The following TBC1D10A variants were observed in gnomAD, a reference collection of about 807,000 sequenced individuals.
TBC1D10A encodes the protein EBP50-PDX interactor of 64 kDa.
A neutral mutation model predicts 52.9 loss-of-function variants in TBC1D10A; 24 were observed. The observed-to-expected ratio is 0.45, with a 90% CI of 0.33 to 0.64. TBC1D10A has a LOEUF of 0.64. TBC1D10A is among the 30% of genes least tolerant of loss of function. TBC1D10A has a pLI of 0.02. For synonymous variants in TBC1D10A, 278 were observed against 282.9 expected (o/e 0.98, Z 0.17); for missense variants, 602 against 687.9 (o/e 0.88, Z 1.40).
chr22:30,307,941 C>T (rs1930342701), intron 1 of TBC1D10A: 1 of 152,062 alleles, frequency 6.6e-6, no homozygotes, highest in Admixed American at 6.6e-5. Context: ...ATTACAGGCG[C>T]CCACCACCAC....
intron 1 of TBC1D10A, among the ~76,000 whole-genome samples, chr22:30,321,178 G>A (rs11705290): frequency 0.068 from 10,335 of 152,262 alleles, 435 homozygotes; most frequent in Non-Finnish European, 0.092. Context: ...CTTGTCTGAG[G>A]ACCTAACACT....
chr22:30,292,028 T>G lies in TBC1D10A; in HGVS notation c.*347A>C. 1 of 246,692 alleles carries G rather than the reference T, an allele frequency of 4.1e-6. No individual in the cohort carries two copies. The highest frequency in any genetic ancestry group is 7.7e-6 in the Non-Finnish European group (1 of 129,728). The allele number at this position is 246,692 out of a possible 1,614,324, so 15.3% of individuals were successfully genotyped here. ...CTGTTTATTTCTGTACAAAACCATG[T>G]TTCTATTTTACACAAAGAACACCCC... On this transcript the variant is annotated 3_prime_UTR_variant, in exon 9 of 9. Transcript: ENST00000215790.
chr22:30,295,779 TG>T lies in TBC1D10A; in HGVS notation c.481del (p.Gln161SerfsTer23), dbSNP rs760560891. On this transcript the variant is annotated frameshift_variant, in exon 4 of 9. Coordinates refer to ENST00000215790, the MANE Select transcript of TBC1D10A (RefSeq NM_031937.3). LOFTEE classifies it high-confidence loss of function. ...CACAAACATCTCATGGAATGGGAACTGCCGGTGCAGGTCACGCTCAATCACG... is the reference window on the plus strand; with the variant it reads ...CACAAACATCTCATGGAATGGGAACTCCGGTGCAGGTCACGCTCAATCACG... ...LDVIERDLHR[Q>X]FPFHEMFVSR... 1 of 1,614,056 alleles carries T rather than the reference TG, an allele frequency of 6.2e-7. No individual in the cohort carries two copies. Among genetic ancestry groups the T allele is most frequent in the South Asian group, 1.1e-5 (1 of 91,080 alleles).
rs2039065115 is a variant in TBC1D10A, at chr22:30,295,810, G to T, written c.451C>A (p.Leu151Met). ...LDMSPGDPKW[L>M]DVIERDLHRQ... ...TGCAGGTCACGCTCAATCACGTCCA[G>T]CCACTTGGGGTCCCCAGGGGACATG... is the stretch of plus-strand genomic sequence containing the variant. Residue 151 changes from leucine (L) to methionine (M), a missense_variant, in exon 4 of 9, where the codon CTG (leucine) becomes ATG (methionine). By Grantham distance (15) the Leu-to-Met change is conservative (BLOSUM62 2). This residue lies in a region of TBC1D10A where 136 missense variants were observed against 208.4 expected (regional missense o/e 0.65). Transcript: ENST00000215790. 2.0e-5 allele frequency: 32 copies of T among 1,613,988 alleles called. No individual in the cohort carries two copies. The highest frequency in any genetic ancestry group is 2.7e-5 in the Non-Finnish European group (32 of 1,179,998).
At chr22:30,322,962 A>T (rs1463236339) in intron 1 of TBC1D10A, among the ~76,000 whole-genome samples, 3 of 143,412 alleles carry the variant, frequency 2.1e-5, no homozygotes, top group Non-Finnish European at 4.5e-5. Flanking sequence ...GCACAGTGGC[A>T]CCATCTTGGC....
rs774866504 is a variant in TBC1D10A, at chr22:30,293,740, C to G, written c.961G>C (p.Val321Leu). ...LKHALGSPEKVKACQGQYETI... is the reference protein window; with the variant it reads ...LKHALGSPEKLKACQGQYETI... ...TCGTACTGGCCCTGGCAGGCTTTGA[C>G]CTTCTCAGGGGAGCCCAGCGCGTGC... The change falls in exon 8 of 9, where the codon GTC (valine) becomes CTC (leucine). Residue 321 changes from valine (V) to leucine (L), a missense_variant. Transcript: ENST00000215790. The G allele has an allele frequency of 5.0e-6, 8 of 1,613,340 alleles. No individual in the cohort carries two copies. The highest frequency in any genetic ancestry group is 6.8e-6 in the Non-Finnish European group (8 of 1,179,826).
chr22:30,308,493 G>A (rs563204263), intron 1 of TBC1D10A, among the ~76,000 whole-genome samples: 7 of 152,298 alleles, frequency 4.6e-5, no homozygotes, highest in African/African-American at 1.7e-4. Flanking sequence ...GAAACGAGTT[G>A]CCCTTACATG....
intron 1 of TBC1D10A, among the ~76,000 whole-genome samples, chr22:30,305,826 T>A (rs1930299839): frequency 6.6e-6 from 1 of 152,172 alleles, no homozygotes; most frequent in Non-Finnish European, 1.5e-5. Context: ...AGAGTAGCCT[T>A]GGAACTGAAC....
chr22:30,295,373 G>T (rs887605118), intron 4 of TBC1D10A, among the ~76,000 whole-genome samples: 9 of 152,162 alleles, frequency 5.9e-5, no homozygotes, highest in African/African-American at 2.2e-4. Flanking sequence ...AGCAGCTATG[G>T]CCCCTTGGCC....
Position 30,326,870 on chromosome 22 carries a change from G to T in TBC1D10A, c.12C>A (p.Ser4Arg). 1 of 1,505,586 alleles carries T rather than the reference G, an allele frequency of 6.6e-7. No individual in the cohort carries two copies. The highest frequency in any genetic ancestry group is 2.2e-5 in the Admixed American group (1 of 45,146). The allele number at this position is 1,505,586 out of a possible 1,614,324, so 93.3% of individuals were successfully genotyped here. A position where few individuals can be genotyped will look rare whatever the true frequency, so the allele number is the denominator to read the frequency against. ...GCGCGCGCGGCCCATTCTCTCCGTT[G>T]CTCTTCGCCATCCCAGCCGCGCCCG... is the stretch of plus-strand genomic sequence containing the variant. MAK[S>R]NGENGPRAPA... Residue 4 changes from serine to arginine, a missense_variant, in exon 1 of 9, where the codon AGC becomes AGA. Around this residue, in one of 3 missense-constraint regions of TBC1D10A, gnomAD observed 201 missense variants for 204.4 expected, o/e 0.98. Coordinates refer to ENST00000215790, the MANE Select transcript of TBC1D10A (RefSeq NM_031937.3).
At position 30,308,304 on chromosome 22, in the gene TBC1D10A, C is replaced by CTGCA. The variant is rs1569162189; in HGVS notation, c.210-3675_210-3674insTGCA. On this transcript the variant is annotated intron_variant, in intron 1 of 8. Transcript: ENST00000215790. ...CCTGCATGCCTGCATGCCTGCATGC[C>CTGCA]TGCCTGCCTGCATGCCTGCATGCCT... is the stretch of plus-strand genomic sequence containing the variant. Among the ~76,000 whole-genome samples, 7 of 139,516 alleles carry CTGCA rather than the reference C, an allele frequency of 5.0e-5. No individual in the cohort carries two copies. The East Asian group carries it at 1.2e-3, about 24-fold the overall frequency. The allele number at this position is 139,516 out of a possible 152,430, so 91.5% of individuals were successfully genotyped here.
chr22:30,305,139 G>A (rs2145772644), intron 1 of TBC1D10A, among the ~76,000 whole-genome samples: 1 of 152,310 alleles, frequency 6.6e-6, no homozygotes, highest in South Asian at 2.1e-4. Flanking sequence ...ATTCATGCCA[G>A]TAACTTTGCT....
intron 1 of TBC1D10A, among the ~76,000 whole-genome samples, chr22:30,309,505 T>G (rs1930384335): frequency 6.6e-6 from 1 of 152,192 alleles, no homozygotes; most frequent in African/African-American, 2.4e-5. Context: ...ATGACAGGCA[T>G]GAGCCACCGC....
At chr22:30,325,765 G>A (rs1930755758) in intron 1 of TBC1D10A, among the ~76,000 whole-genome samples, 1 of 152,106 alleles carries the variant, frequency 6.6e-6, no homozygotes, top group Admixed American at 6.5e-5. Flanking sequence ...GACATCGGGG[G>A]GTGCTAATAT....
intron 1 of TBC1D10A, among the ~76,000 whole-genome samples, chr22:30,325,322 G>A (rs1164660132): frequency 6.6e-6 from 1 of 152,230 alleles, no homozygotes; most frequent in Non-Finnish European, 1.5e-5. Flanking sequence ...GAGGCTTTAG[G>A]GCTGGGGAAA....
At chr22:30,317,060 C>T (rs1414144689) in intron 1 of TBC1D10A, among the ~76,000 whole-genome samples, 1 of 152,108 alleles carries the variant, frequency 6.6e-6, no homozygotes, top group Admixed American at 6.6e-5. Flanking sequence ...CACACATACA[C>T]ACACACATAC....
chr22:30,318,618 A>G, intron 1 of TBC1D10A: 1 of 471,144 alleles, frequency 2.1e-6, no homozygotes, highest in Non-Finnish European at 4.4e-6. Flanking sequence ...TGGACTCTGT[A>G]AGAGGCCAAA....
chr22:30,316,709 T>A, intron 1 of TBC1D10A, among the ~76,000 whole-genome samples: 1 of 152,134 alleles, frequency 6.6e-6, no homozygotes, highest in Non-Finnish European at 1.5e-5. Context: ...AGTCTCAGGA[T>A]GTCAGATGTA....
Position 30,297,379 on chromosome 22 carries a change from TCTC to T in TBC1D10A, c.418-1539_418-1537del, listed in dbSNP as rs1362740234. On this transcript the variant is annotated intron_variant, in intron 3 of 8. Transcript: ENST00000215790. The surrounding 1 kb of genome is among the most constrained non-coding windows in gnomAD (Gnocchi z 4.3). ...GAATGGGGAAGAGGGCCCCACAAAT[TCTC>T]CTAGCAGTTCCCATGAGGTAGGAAC... 1.3e-5 allele frequency: 2 copies of T among 152,122 alleles called. No homozygotes were observed. The highest frequency in any genetic ancestry group is 4.8e-5 in the African/African-American group (2 of 41,358). 9.4% of individuals were successfully genotyped at this position (152,122 alleles called of 1,614,324 possible). A position where few individuals can be genotyped will look rare whatever the true frequency, so the allele number is the denominator to read the frequency against.
Sources: allele counts gnomAD v4.1 joint callset (sites outside exome capture counted in the v4.1 genomes callset), GRCh38; gene constraint gnomAD v4.1.1; regional missense constraint gnomAD v4.1.1; non-coding constraint Gnocchi (gnomAD v3.1); transcripts MANE v1.5; gene names NCBI Gene and HGNC (gene_info 2026-07-23, HGNC 2026-07-21).